Variants in COLEC12 observed in about 807,000 individuals in gnomAD.
COLEC12 encodes collectin-12.
Under a neutral mutation model 71.1 loss-of-function variants are expected in COLEC12, and 33 were observed. That is an observed-to-expected ratio of 0.46 (90% CI 0.35 to 0.62). The LOEUF (loss-of-function observed/expected upper bound fraction) is 0.62. Among genes scored for constraint, COLEC12 ranks in the 20% least tolerant of loss-of-function variants. The probability of loss-of-function intolerance (pLI) is 0.00; values close to 1 mark genes in which losing one functional copy is unlikely to be tolerated. For synonymous variants in COLEC12, 350 were observed against 353.0 expected (o/e 0.99, Z 0.10); for missense variants, 765 against 916.1 (o/e 0.84, Z 2.13).
At chr18:473,413 A>C (rs563839854) in intron 2 of COLEC12, among the ~76,000 whole-genome samples, 2 of 151,828 alleles carry the variant, frequency 1.3e-5, no homozygotes, top group Non-Finnish European at 2.9e-5. Context: ...CCCAGGCTGG[A>C]GTTCAGTGGC....
chr18:380,012 A>C (rs1338724362), intron 2 of COLEC12, among the ~76,000 whole-genome samples: 1 of 152,194 alleles, frequency 6.6e-6, no homozygotes, highest in Admixed American at 6.5e-5. Flanking sequence ...ATGAAGAAAG[A>C]ATCCTACTTC....
chr18:414,805 C>T (rs1263130572), intron 2 of COLEC12, among the ~76,000 whole-genome samples: 1 of 152,196 alleles, frequency 6.6e-6, no homozygotes, highest in African/African-American at 2.4e-5. Context: ...AGACACCCAG[C>T]CTGCAGACCA....
intron 2 of COLEC12, among the ~76,000 whole-genome samples, chr18:375,272 T>C (rs1915088455): frequency 1.3e-5 from 2 of 152,198 alleles, no homozygotes; most frequent in Admixed American, 1.3e-4. Context: ...GCTGGCCTCC[T>C]CACCAGGCCT....
chr18:485,280 G>C (rs904097993), intron 1 of COLEC12, among the ~76,000 whole-genome samples: 1 of 152,146 alleles, frequency 6.6e-6, no homozygotes, highest in Non-Finnish European at 1.5e-5. Context: ...ACTTCCCAAT[G>C]TCTATCTCTG....
intron 2 of COLEC12, among the ~76,000 whole-genome samples, chr18:454,986 T>C (rs1211383914): frequency 1.3e-5 from 2 of 152,176 alleles, no homozygotes; most frequent in Admixed American, 1.3e-4. Context: ...GAAAGACACA[T>C]GTTGACAAAA....
chr18:428,157 G>A (rs562371792), intron 2 of COLEC12, among the ~76,000 whole-genome samples: 106 of 152,140 alleles, frequency 7.0e-4, no homozygotes, highest in African/African-American at 1.5e-3. Flanking sequence ...CCAGCTACTC[G>A]GGAGGCTGAG....
At chr18:468,598 A>AT (rs746799006) in intron 2 of COLEC12, among the ~76,000 whole-genome samples, 36 of 152,142 alleles carry the variant, frequency 2.4e-4, no homozygotes, top group South Asian at 1.0e-3. Context: ...TGCTGAACTC[A>AT]TTTTTTTTGG....
At chr18:355,535 T>G (rs1914613033) in intron 3 of COLEC12, among the ~76,000 whole-genome samples, 1 of 152,244 alleles carries the variant, frequency 6.6e-6, no homozygotes, top group African/African-American at 2.4e-5. Context: ...CTTCTTTGAC[T>G]CTTTTTGTAT....
At chr18:384,817 A>C (rs527611272) in intron 2 of COLEC12, among the ~76,000 whole-genome samples, 1 of 152,340 alleles carries the variant, frequency 6.6e-6, no homozygotes, top group South Asian at 2.1e-4. Context: ...CATTTTGTTG[A>C]ACTCAGGAGA....
At chr18:378,426 TG>T (rs2143553563) in intron 2 of COLEC12, among the ~76,000 whole-genome samples, 1 of 152,314 alleles carries the variant, frequency 6.6e-6, no homozygotes, top group Non-Finnish European at 1.5e-5. Context: ...GGCCAGGACA[TG>T]GAGACTATTC....
chr18:319,944 CTTT>C lies in COLEC12; in HGVS notation c.*98_*100del. On this transcript the variant is annotated 3_prime_UTR_variant, in exon 10 of 10. Coordinates refer to ENST00000400256, the MANE Select transcript of COLEC12 (RefSeq NM_130386.3). The stretch of plus-strand genomic sequence containing the variant: ...TTTTTTCAGTAATTGGTTTTCAGTG[CTTT>C]TTTTTTTTCAATCTGATGAGAAGGT... The C allele has an allele frequency of 6.6e-6, 4 of 604,006 alleles. No individual in the cohort carries two copies. Among genetic ancestry groups the C allele is most frequent in the South Asian group, 2.1e-5 (1 of 47,764 alleles). 37.4% of individuals were successfully genotyped at this position (604,006 alleles called of 1,614,324 possible). A position where few individuals can be genotyped will look rare whatever the true frequency, so the allele number is the denominator to read the frequency against.
chr18:400,645 G>A (rs1195066459), intron 2 of COLEC12, among the ~76,000 whole-genome samples: 1 of 152,196 alleles, frequency 6.6e-6, no homozygotes, highest in African/African-American at 2.4e-5. Context: ...CTGGCAGCCT[G>A]TGGTTTTGGA....
chr18:340,117 T>C (rs1163481750), intron 5 of COLEC12, among the ~76,000 whole-genome samples: 1 of 149,800 alleles, frequency 6.7e-6, no homozygotes, highest in Non-Finnish European at 1.5e-5. Flanking sequence ...GTTTATGAGC[T>C]TGTGCAGCAA....
At chr18:361,985 AG>A (rs1335750641) in intron 2 of COLEC12, among the ~76,000 whole-genome samples, 1 of 152,208 alleles carries the variant, frequency 6.6e-6, no homozygotes, top group Non-Finnish European at 1.5e-5. Flanking sequence ...GGGAGCTAGA[AG>A]GTTGTGCAGA....
intron 2 of COLEC12, among the ~76,000 whole-genome samples, chr18:400,279 T>G (rs1404654775): frequency 6.6e-6 from 1 of 152,164 alleles, no homozygotes; most frequent in Non-Finnish European, 1.5e-5. Flanking sequence ...CAACAGTTTA[T>G]AGGATAAGTA....
intron 2 of COLEC12, among the ~76,000 whole-genome samples, chr18:435,851 G>T (rs1429070275): frequency 1.3e-5 from 2 of 152,178 alleles, no homozygotes; most frequent in African/African-American, 4.8e-5. Flanking sequence ...TCAGCCTGAA[G>T]AATTTCCTGG....
intron 9 of COLEC12, among the ~76,000 whole-genome samples, chr18:321,052 C>A (rs4798066): frequency 6.6e-6 from 1 of 152,024 alleles, no homozygotes; most frequent in African/African-American, 2.4e-5. Context: ...AACATTGGTG[C>A]TATATCTCTT....
At chr18:483,351 C>A (rs1917460690) in intron 1 of COLEC12, among the ~76,000 whole-genome samples, 1 of 149,252 alleles carries the variant, frequency 6.7e-6, no homozygotes, top group African/African-American at 2.5e-5. Context: ...GAGCCAAGAT[C>A]ACGCCAACTA....
At chr18:323,980 G>A (rs1420115257) in intron 8 of COLEC12, among the ~76,000 whole-genome samples, 1 of 152,056 alleles carries the variant, frequency 6.6e-6, no homozygotes, top group Non-Finnish European at 1.5e-5. Context: ...CAGGTCACTG[G>A]AATTCTTCAC....
Sources: allele counts gnomAD v4.1 joint callset (sites outside exome capture counted in the v4.1 genomes callset), GRCh38; gene constraint gnomAD v4.1.1; transcripts MANE v1.5; gene names NCBI Gene and HGNC (gene_info 2026-07-23, HGNC 2026-07-21).